ANO3: variants seen among roughly 807,000 people sequenced by gnomAD.
ANO3 encodes anoctamin-3.
ANO3 carries 99 observed loss-of-function variants against 144.8 expected under a neutral mutation model. That is an observed-to-expected ratio of 0.68 (90% CI 0.58 to 0.81). The LOEUF (loss-of-function observed/expected upper bound fraction) is 0.81, where lower values mean the gene tolerates loss of function less well. ANO3 is among the 30% of genes least tolerant of loss of function. ANO3 has a pLI of 0.00. For missense variants in ANO3, 905 were observed against 1,202.2 expected (o/e 0.75, Z 3.66); for synonymous variants, 414 against 392.6 (o/e 1.05, Z -0.64).
At chr11:26,460,417 A>G (rs1384507505) in intron 3 of ANO3, among the ~76,000 whole-genome samples, 1 of 23,824 alleles carries the variant, frequency 4.2e-5, no homozygotes, top group East Asian at 2.0e-3. Context: ...AAAGAAGAAG[A>G]AAGGGGGGGG....
At chr11:26,302,954 C>T (rs902124620) in intron 1 of ANO3, among the ~76,000 whole-genome samples, 3 of 152,128 alleles carry the variant, frequency 2.0e-5, no homozygotes, top group African/African-American at 4.8e-5. Flanking sequence ...CTCAACATCA[C>T]TAATCATCAG....
chr11:26,295,484 C>G (rs1176222341), intron 1 of ANO3, among the ~76,000 whole-genome samples: 2 of 142,114 alleles, frequency 1.4e-5, no homozygotes, highest in Non-Finnish European at 3.0e-5. Context: ...GAGATAGCGC[C>G]CAGCCTGGGC....
chr11:26,627,759 T>C (rs1183593651), intron 18 of ANO3, among the ~76,000 whole-genome samples: 1 of 152,064 alleles, frequency 6.6e-6, no homozygotes, highest in Non-Finnish European at 1.5e-5. Flanking sequence ...TAATAATGGC[T>C]ATATTAGTTT....
At chr11:26,539,798 G>A (rs1849600263) in intron 10 of ANO3, among the ~76,000 whole-genome samples, 1 of 152,076 alleles carries the variant, frequency 6.6e-6, no homozygotes, top group Non-Finnish European at 1.5e-5. Flanking sequence ...CATGTGCCAG[G>A]CACTTTATAG....
intron 12 of ANO3, 99 bp from the exon 13 acceptor site, chr11:26,553,150 T>C (rs1482031992): frequency 3.5e-6 from 3 of 856,022 alleles, no homozygotes; most frequent in Non-Finnish European, 5.7e-6. Context: ...CCTCTCTGCC[T>C]TGCTGGTTCC....
At chr11:26,573,518 T>C (rs1850906100) in intron 14 of ANO3, among the ~76,000 whole-genome samples, 1 of 152,156 alleles carries the variant, frequency 6.6e-6, no homozygotes, top group Non-Finnish European at 1.5e-5. Flanking sequence ...CTGAACATGA[T>C]TGGGCAGGAC....
At chr11:26,391,780 A>G (rs1388054290) in intron 1 of ANO3, among the ~76,000 whole-genome samples, 5 of 152,052 alleles carry the variant, frequency 3.3e-5, no homozygotes, top group Admixed American at 1.3e-4. Context: ...CACTCATGAT[A>G]GCTCTTTTAT....
chr11:26,293,823 C>A (rs555375549), intron 1 of ANO3, among the ~76,000 whole-genome samples: 25 of 151,986 alleles, frequency 1.6e-4, no homozygotes, highest in African/African-American at 5.8e-4. Context: ...TAAATTAATT[C>A]TCCGTAATAA....
At chr11:26,415,598 A>G (rs1413628550) in intron 1 of ANO3, among the ~76,000 whole-genome samples, 1 of 152,230 alleles carries the variant, frequency 6.6e-6, no homozygotes, top group East Asian at 1.9e-4. Flanking sequence ...AAAAGAGCTT[A>G]CATGTCCTTA....
chr11:26,235,418 A>T (rs1024727446), intron 1 of ANO3, among the ~76,000 whole-genome samples: 4 of 152,162 alleles, frequency 2.6e-5, no homozygotes, highest in African/African-American at 7.2e-5. Flanking sequence ...TGATACTTCC[A>T]GTTTCAAATA....
rs1241076979 is a variant in ANO3 at position 26,442,671 on chromosome 11, T to C, written c.241+559T>C. On this transcript the variant is annotated intron_variant, in intron 2 of 26. Coordinates refer to ENST00000256737, the MANE Select transcript of ANO3 (RefSeq NM_031418.4). ...CACTCTTCTACACACATTTGCCCAC[T>C]AAGACACACACTATCCCTTTAGACA... Among the ~76,000 whole-genome samples, 3 of 152,190 alleles carry C rather than the reference T, an allele frequency of 2.0e-5. No individual in the cohort carries two copies. The East Asian group carries it at 5.8e-4, about 29-fold the overall frequency.
At chr11:26,644,102 A>C (rs991072114) in intron 23 of ANO3, among the ~76,000 whole-genome samples, 3 of 152,226 alleles carry the variant, frequency 2.0e-5, no homozygotes, top group Non-Finnish European at 2.9e-5. Context: ...AGCTGGTCCT[A>C]CTTAGCACCA....
chr11:26,461,821 CT>C (rs1272942167), intron 3 of ANO3, among the ~76,000 whole-genome samples: 1 of 151,980 alleles, frequency 6.6e-6, no homozygotes, highest in Non-Finnish European at 1.5e-5. Flanking sequence ...ATTATACCCA[CT>C]TTATAAAGTT....
upstream of ANO3, among the ~76,000 whole-genome samples, chr11:26,308,611 T>C (rs1425162941): frequency 6.6e-6 from 1 of 152,196 alleles, no homozygotes; most frequent in Non-Finnish European, 1.5e-5. Context: ...TTGAATAAGC[T>C]TAGGCAACTT....
chr11:26,316,665 T>G (rs1232104369), intron 1 of ANO3, among the ~76,000 whole-genome samples: 1 of 152,144 alleles, frequency 6.6e-6, no homozygotes, highest in African/African-American at 2.4e-5. Flanking sequence ...GCAAGGTAAG[T>G]GTGTTTATAG....
intron 1 of ANO3, among the ~76,000 whole-genome samples, chr11:26,428,173 A>G (rs978461578): frequency 1.3e-5 from 2 of 152,248 alleles, no homozygotes; most frequent in African/African-American, 4.8e-5. Context: ...ATGTATATGT[A>G]TATATGTGTC....
intron 1 of ANO3, among the ~76,000 whole-genome samples, chr11:26,382,898 A>G (rs970791680): frequency 2.0e-5 from 3 of 152,196 alleles, no homozygotes; most frequent in Non-Finnish European, 2.9e-5. Flanking sequence ...GTTTTCCTAC[A>G]GTTACAAATC....
At chr11:26,300,249 G>GACACCAAACAGACACACACAC (rs1321919533) in intron 1 of ANO3, among the ~76,000 whole-genome samples, 42 of 151,654 alleles carry the variant, frequency 2.8e-4, no homozygotes, top group Non-Finnish European at 5.5e-4. Context: ...CATACACAGA[G>GACACCAAACAGACACACACAC]ACACCAAACA....
intron 1 of ANO3, among the ~76,000 whole-genome samples, chr11:26,372,961 T>C (rs1423061205): frequency 6.6e-6 from 1 of 152,110 alleles, no homozygotes; most frequent in East Asian, 1.9e-4. Flanking sequence ...CCCAAAAATA[T>C]AAAGGATAAC....
Sources: allele counts gnomAD v4.1 joint callset (sites outside exome capture counted in the v4.1 genomes callset), GRCh38; gene constraint gnomAD v4.1.1; transcripts MANE v1.5; gene names NCBI Gene and HGNC (gene_info 2026-07-23, HGNC 2026-07-21).